The following ANKS6 variants were observed in gnomAD, a reference collection of about 807,000 sequenced individuals.
ANKS6 encodes the protein ankyrin repeat and sterile alpha motif domain containing 6.
A neutral mutation model predicts 77.9 loss-of-function variants in ANKS6; 47 were observed. The ratio of observed to expected loss-of-function variants is 0.60; its 90% CI spans 0.48 to 0.77. The LOEUF (loss-of-function observed/expected upper bound fraction) is 0.77. ANKS6 is among the 30% of genes least tolerant of loss of function. The pLI, the probability that ANKS6 is intolerant of heterozygous loss-of-function variation, is 0.00. For missense variants in ANKS6, 1,150 were observed against 1,159.1 expected, an observed-to-expected ratio of 0.99 and a Z score of 0.11; for synonymous variants, 488 against 501.7, an observed-to-expected ratio of 0.97 and a Z score of 0.37.
intron 5 of ANKS6, among the ~76,000 whole-genome samples, chr9:98,780,868 A>C (rs573482665): frequency 6.6e-6 from 1 of 152,258 alleles, no homozygotes; most frequent in East Asian, 1.9e-4. Context: ...AAACTACTCC[A>C]AACTATTAAC....
chr9:98,774,969 TGG>T (rs370075888), intron 8 of ANKS6, among the ~76,000 whole-genome samples: 2 of 152,162 alleles, frequency 1.3e-5, no homozygotes, highest in Non-Finnish European at 2.9e-5. Context: ...CCACCCATTA[TGG>T]GGGGGCAGGC....
chr9:98,772,565 G>A (rs2118044324), intron 9 of ANKS6, among the ~76,000 whole-genome samples: 1 of 152,318 alleles, frequency 6.6e-6, no homozygotes, highest in Admixed American at 6.5e-5. Flanking sequence ...ACTCCTAAGG[G>A]AGAGACAGTG....
At chr9:98,777,511 G>A in intron 7 of ANKS6, 57 bp from the exon 8 acceptor site, 1 of 1,552,776 alleles carries the variant, frequency 6.4e-7, no homozygotes, top group Non-Finnish European at 8.9e-7. Context: ...ACAGCATAAG[G>A]ATGAGTGACT....
In ANKS6 at chr9:98,733,720, C is replaced by A. The variant is rs1339092665; in HGVS notation, c.*2799G>T. Reference sequence around the variant, plus strand: ...TGTGAAGAGGCCTGACCCATGCTGGCATGCTGAAGGTTGTGAGAGGCCTGT... The same window carrying A: ...TGTGAAGAGGCCTGACCCATGCTGGAATGCTGAAGGTTGTGAGAGGCCTGT... On this transcript the variant is annotated 3_prime_UTR_variant, in exon 15 of 15. Transcript: ENST00000353234. The A allele has an allele frequency of 5.3e-5, 52 of 985,368 alleles. No homozygotes were observed. The highest frequency in any genetic ancestry group is 5.7e-5 in the Non-Finnish European group (47 of 829,982). The allele number at this position is 985,368 out of a possible 1,614,324, so 61.0% of individuals were successfully genotyped here.
chr9:98,752,050 C>A (rs189818994), intron 12 of ANKS6, among the ~76,000 whole-genome samples: 1 of 152,176 alleles, frequency 6.6e-6, no homozygotes, highest in Admixed American at 6.5e-5. Flanking sequence ...TATGCCACTA[C>A]ACCATTGCAC....
At position 98,735,380 on chromosome 9, in the gene ANKS6, C is replaced by A; in HGVS notation, c.*1139G>T. On this transcript the variant is annotated 3_prime_UTR_variant, in exon 15 of 15. Coordinates refer to ENST00000353234, the MANE Select transcript of ANKS6 (RefSeq NM_173551.5). Reference sequence around the variant, plus strand: ...CTAACATAAATGCAACAAGCACTGGCTGAATGAGTCATTCACTGGAAAACA... The same window carrying A: ...CTAACATAAATGCAACAAGCACTGGATGAATGAGTCATTCACTGGAAAACA... The A allele has an allele frequency of 9.1e-7, 1 of 1,096,000 alleles. No individual in the cohort carries two copies. Among genetic ancestry groups the A allele is most frequent in the Non-Finnish European group, 1.1e-6 (1 of 903,104 alleles). 67.9% of individuals were successfully genotyped at this position (1,096,000 alleles called of 1,614,324 possible). A position where few individuals can be genotyped will look rare whatever the true frequency, so the allele number is the denominator to read the frequency against.
At position 98,732,297 on chromosome 9, in the gene ANKS6, G is replaced by T; in HGVS notation, c.*4222C>A. 1 of 642,808 alleles carries T rather than the reference G, an allele frequency of 1.6e-6. No individual in the cohort carries two copies. The highest frequency in any genetic ancestry group is 2.6e-6 in the Non-Finnish European group (1 of 379,440). The allele number at this position is 642,808 out of a possible 1,614,324, so 39.8% of individuals were successfully genotyped here. A position where few individuals can be genotyped will look rare whatever the true frequency, so the allele number is the denominator to read the frequency against. ...GCCCATGTCTTCAGGCAGCTCTGAG[G>T]CAAGAATAAAAGGGACGAGTTCCCT... On this transcript the variant is annotated 3_prime_UTR_variant, in exon 15 of 15. Transcript: ENST00000353234.
chr9:98,778,364 G>C lies in ANKS6; in HGVS notation c.1429C>G (p.Arg477Gly). ...AAAGGCTGGTTGCTGGACAGCCCAC[G>C]GGGCAGCGTCTGCATCAGTTTGAGC... ...RKLKLMQTLP[R>G]GLSSNQPLPF... is the part of the protein sequence containing the mutation. Residue 477 changes from arginine to glycine, a missense_variant, in exon 7 of 15, where the codon CGT becomes GGT. Transcript: ENST00000353234. 2 of 1,614,136 alleles carry C rather than the reference G, an allele frequency of 1.2e-6. No homozygotes were observed. The highest frequency in any genetic ancestry group is 1.7e-6 in the Non-Finnish European group (2 of 1,180,022).
At chr9:98,741,087 CCT>C (rs1221878478) in intron 14 of ANKS6, among the ~76,000 whole-genome samples, 1 of 152,102 alleles carries the variant, frequency 6.6e-6, no homozygotes, top group Non-Finnish European at 1.5e-5. Context: ...GATTAGAAGG[CCT>C]TAGACACAAA....
intron 2 of ANKS6, among the ~76,000 whole-genome samples, chr9:98,786,615 G>A (rs764541578): frequency 3.3e-5 from 5 of 152,200 alleles, no homozygotes; most frequent in Admixed American, 3.3e-4. Flanking sequence ...TTCATGGAAA[G>A]TACGGACACT....
Position 98,735,851 on chromosome 9 carries a change from C to T in ANKS6, c.*668G>A, listed in dbSNP as rs767961707. On this transcript the variant is annotated 3_prime_UTR_variant, in exon 15 of 15. Coordinates refer to ENST00000353234, the MANE Select transcript of ANKS6 (RefSeq NM_173551.5). Reference sequence around the variant, plus strand: ...ATGCAGCAGGTGCAGTGGAATGCTACAGCAGTCACATACACAGCACTAAGG... The same window carrying T: ...ATGCAGCAGGTGCAGTGGAATGCTATAGCAGTCACATACACAGCACTAAGG... 1.1e-5 allele frequency: 14 copies of T among 1,231,648 alleles called. No individual in the cohort carries two copies. The highest frequency in any genetic ancestry group is 3.2e-5 in the East Asian group (1 of 31,710). The allele number at this position is 1,231,648 out of a possible 1,614,324, so 76.3% of individuals were successfully genotyped here.
In ANKS6 at chr9:98,771,031, C is replaced by T; in HGVS notation, c.1837G>A (p.Val613Ile). ...GGTDTTPVRP[V>I]KFPSLPRSPA... is the part of the protein sequence containing the mutation. ...CTTCTGGGGAGGCTTGGAAATTTAACAGGCCTGACGGGTGTCTACAAGAAT... is the reference window on the plus strand; with the variant it reads ...CTTCTGGGGAGGCTTGGAAATTTAATAGGCCTGACGGGTGTCTACAAGAAT... The change falls in exon 10 of 15, where the codon GTT (valine) becomes ATT (isoleucine). Residue 613 changes from valine to isoleucine, a missense_variant. Coordinates refer to ENST00000353234, the MANE Select transcript of ANKS6 (RefSeq NM_173551.5). 6.3e-7 allele frequency: 1 copy of T among 1,584,818 alleles called. No homozygotes were observed. The highest frequency in any genetic ancestry group is 8.6e-7 in the Non-Finnish European group (1 of 1,165,682).
At chr9:98,783,715 A>T (rs886796082) in intron 4 of ANKS6, 3 of 388,740 alleles carry the variant, frequency 7.7e-6, no homozygotes, top group African/African-American at 6.2e-5. Flanking sequence ...CTCCTGCTGC[A>T]TGGTTTTTCA....
In ANKS6 at chr9:98,732,252, G is replaced by C. The variant is rs146283585; in HGVS notation, c.*4267C>G. 7.2e-4 allele frequency: 402 copies of C among 561,296 alleles called. No individual in the cohort carries two copies. Among genetic ancestry groups the C allele is most frequent in the African/African-American group, 6.6e-3 (350 of 53,058 alleles). 34.8% of individuals were successfully genotyped at this position (561,296 alleles called of 1,614,324 possible). A position where few individuals can be genotyped will look rare whatever the true frequency, so the allele number is the denominator to read the frequency against. ...GAAGTACAGGTCAGCGTTATCCAAA[G>C]TTGTCCAGCCTCCGGCCTGGCCCAT... On this transcript the variant is annotated 3_prime_UTR_variant, in exon 15 of 15. Transcript: ENST00000353234.
chr9:98,766,532 A>G (rs1833299815), intron 11 of ANKS6, among the ~76,000 whole-genome samples: 1 of 152,226 alleles, frequency 6.6e-6, no homozygotes, highest in Admixed American at 6.5e-5. Context: ...AAATATATCA[A>G]AGTATCAGTA....
chr9:98,758,218 G>C (rs899096791), intron 11 of ANKS6, among the ~76,000 whole-genome samples: 1 of 151,786 alleles, frequency 6.6e-6, no homozygotes, highest in Non-Finnish European at 1.5e-5. Flanking sequence ...TTAAGCTCTG[G>C]GCCATAATCC....
At position 98,785,131 on chromosome 9, in the gene ANKS6, C is replaced by T. The variant is rs368357648; in HGVS notation, c.863-255G>A. ...AGCAGATCACGGCCCTGATCTCATG[C>T]AAATAAAGCAATCATTTTTAGGCAA... On this transcript the variant is annotated intron_variant, in intron 2 of 14. Coordinates refer to ENST00000353234, the MANE Select transcript of ANKS6 (RefSeq NM_173551.5). 4.2e-4 allele frequency among the ~76,000 whole-genome samples: 64 copies of T among 152,276 alleles called. 1 individual carries two copies. The South Asian group carries it at 0.013, about 32-fold the overall frequency.
At chr9:98,780,537 C>CA (rs1457444444) in intron 5 of ANKS6, among the ~76,000 whole-genome samples, 200 bp from the exon 6 acceptor site, 2 of 152,192 alleles carry the variant, frequency 1.3e-5, no homozygotes, top group African/African-American at 4.8e-5. Flanking sequence ...CCTACTTAAC[C>CA]AGAAAGAAAA....
chr9:98,769,781 A>T (rs1439049572), intron 10 of ANKS6, among the ~76,000 whole-genome samples: 5 of 152,194 alleles, frequency 3.3e-5, no homozygotes, highest in African/African-American at 1.2e-4. Flanking sequence ...AGAGGTGGTA[A>T]CTTCACTGCC....
Sources: allele counts gnomAD v4.1 joint callset (sites outside exome capture counted in the v4.1 genomes callset), GRCh38; gene constraint gnomAD v4.1.1; transcripts MANE v1.5; gene names NCBI Gene and HGNC (gene_info 2026-07-23, HGNC 2026-07-21).